Variants in MYCBP2 observed in about 807,000 individuals in gnomAD.
MYCBP2 encodes MYC binding protein 2.
A neutral mutation model predicts 525.3 loss-of-function variants in MYCBP2; 120 were observed. That is an observed-to-expected ratio of 0.23 (90% confidence interval 0.20 to 0.27). The LOEUF is 0.27. MYCBP2 is among the 10% of genes least tolerant of loss of function. The probability of loss-of-function intolerance (pLI) is 1.00; values close to 1 mark genes in which losing one functional copy is unlikely to be tolerated. For synonymous variants in MYCBP2, 1,894 were observed against 1,955.8 expected (o/e 0.97, Z 0.83); for missense variants, 4,149 against 5,657.1 (o/e 0.73, Z 8.55).
At chr13:77,237,871 T>C (rs543141385) in intron 17 of MYCBP2, among the ~76,000 whole-genome samples, 1 of 152,312 alleles carries the variant, frequency 6.6e-6, no homozygotes, top group Non-Finnish European at 1.5e-5. Context: ...GAGACTTTTA[T>C]GTGTCACTGG....
chr13:77,081,415 T>C lies in MYCBP2; in HGVS notation c.11418+12A>G. On this transcript the variant is annotated intron_variant, in intron 65 of 82. Transcript: ENST00000544440. The surrounding 1 kb of genome is among the most constrained non-coding windows in gnomAD (Gnocchi z 4.6). ...AGAGCTAAAGAGCCGTAAATCACGT[T>C]TGCTTTCTTACCCCAAGATCTCGGG... 6.2e-7 allele frequency: 1 copy of C among 1,607,786 alleles called. No individual in the cohort carries two copies. Among genetic ancestry groups the C allele is most frequent in the East Asian group, 2.2e-5 (1 of 44,832 alleles).
At position 77,270,459 on chromosome 13, in the gene MYCBP2, C is replaced by T; in HGVS notation, c.1025G>A (p.Ser342Asn). The change falls in exon 6 of 83, where the codon AGT becomes AAT. Residue 342 changes from serine to asparagine, a missense_variant. By Grantham distance (46) the Ser-to-Asn change is conservative (BLOSUM62 1). Coordinates refer to ENST00000544440, the MANE Select transcript of MYCBP2 (RefSeq NM_015057.5). Reference protein sequence around the residue: ...VGKIQIQDWFSNGIKKAALMH... With the variant: ...VGKIQIQDWFNNGIKKAALMH... ...TAAAGCTGCTTTCTTAATGCCATTA[C>T]TAAACCAGTCCTGAATTTGAATTTT... 6.2e-7 allele frequency: 1 copy of T among 1,613,748 alleles called. No homozygotes were observed. The highest frequency in any genetic ancestry group is 2.2e-5 in the East Asian group (1 of 44,786).
chr13:77,078,301 A>C (rs1023166910), intron 66 of MYCBP2, among the ~76,000 whole-genome samples: 4 of 152,220 alleles, frequency 2.6e-5, no homozygotes, highest in Non-Finnish European at 4.4e-5. Flanking sequence ...AGTGAGGAAC[A>C]GATTTGACAA....
chr13:77,169,253 G>A (rs866955355), intron 39 of MYCBP2, among the ~76,000 whole-genome samples: 33 of 152,180 alleles, frequency 2.2e-4, no homozygotes, highest in Admixed American at 6.5e-4. Context: ...AAAATTAGCC[G>A]GGCGCAGTGG....
intron 26 of MYCBP2, among the ~76,000 whole-genome samples, chr13:77,200,105 G>A (rs1302323896): frequency 6.6e-6 from 1 of 151,952 alleles, no homozygotes; most frequent in Non-Finnish European, 1.5e-5. Flanking sequence ...AGCTACGGGA[G>A]GACATTCAAA....
intron 82 of MYCBP2, among the ~76,000 whole-genome samples, chr13:77,046,625 C>T (rs2035616665): frequency 6.6e-6 from 1 of 152,084 alleles, no homozygotes; most frequent in African/African-American, 2.4e-5. Flanking sequence ...CAAACTGAGG[C>T]CTGATCTAGA....
chr13:77,257,632 G>A (rs749065179), intron 14 of MYCBP2, 39 bp downstream of exon 14: 11 of 1,493,538 alleles, frequency 7.4e-6, no homozygotes, highest in Non-Finnish European at 8.9e-6. Context: ...CTAATGAAAA[G>A]ACAACACAAA....
At position 77,087,727 on chromosome 13, in the gene MYCBP2, A is replaced by G. The variant is rs1594404620; in HGVS notation, c.10726-94T>C. 3.8e-6 allele frequency: 4 copies of G among 1,048,386 alleles called. No individual in the cohort carries two copies. In the East Asian group the frequency reaches 1.0e-4, roughly 27 times the overall value. The allele number at this position is 1,048,386 out of a possible 1,614,324, so 64.9% of individuals were successfully genotyped here. On this transcript the variant is annotated intron_variant, in intron 61 of 82. Coordinates refer to ENST00000544440, the MANE Select transcript of MYCBP2 (RefSeq NM_015057.5). The stretch of plus-strand genomic sequence containing the variant: ...GTACCTCCATGGATTAAGACTTCAA[A>G]GAAAGATACTAGAAAATCTTTTTTA...
In MYCBP2 at chr13:77,326,534, T is replaced by C; in HGVS notation, c.242A>G (p.Tyr81Cys). The C allele has an allele frequency of 6.3e-7, 1 of 1,598,938 alleles. No homozygotes were observed. Among genetic ancestry groups the C allele is most frequent in the Non-Finnish European group, 8.5e-7 (1 of 1,173,120 alleles). Residue 81 changes from tyrosine to cysteine, a missense_variant, in exon 1 of 83, where the codon TAT (tyrosine) becomes TGT (cysteine). Around this residue, in one of 21 missense-constraint regions of MYCBP2, gnomAD observed 413 missense variants for 451.2 expected, o/e 0.92. Transcript: ENST00000544440. This position sits in a 1 kb window ranked among gnomAD's most constrained non-coding sequence, Gnocchi z 4.2. Reference protein sequence around the residue: ...RALADRYRRIYTAALNDRDQG... With the variant: ...RALADRYRRICTAALNDRDQG... ...GTCCCTGTCATTGAGCGCAGCGGTA[T>C]AAATCCTCCGGTAGCGGTCGGCCAG...
chr13:77,054,825 T>G (rs139774533), intron 80 of MYCBP2, among the ~76,000 whole-genome samples: 4 of 152,170 alleles, frequency 2.6e-5, no homozygotes, highest in Non-Finnish European at 4.4e-5. Context: ...GGTCTCAAAC[T>G]CCAGAGCTCA....
chr13:77,106,616 C>T (rs1459629202), intron 55 of MYCBP2, among the ~76,000 whole-genome samples: 2 of 152,084 alleles, frequency 1.3e-5, no homozygotes, highest in African/African-American at 2.4e-5. Flanking sequence ...TGTAATTGTG[C>T]TTCTCATGTT....
chr13:77,143,175 G>A (rs1343023713), intron 49 of MYCBP2, among the ~76,000 whole-genome samples: 1 of 152,168 alleles, frequency 6.6e-6, no homozygotes, highest in Non-Finnish European at 1.5e-5. Context: ...TTACTTCTAG[G>A]TGTCCACTTG....
intron 34 of MYCBP2, among the ~76,000 whole-genome samples, chr13:77,179,698 G>C (rs1486167653): frequency 6.6e-6 from 1 of 152,182 alleles, no homozygotes; most frequent in Non-Finnish European, 1.5e-5. Flanking sequence ...CCAATTTTAA[G>C]TATGTATTTC....
rs851513 is a variant in MYCBP2 at position 77,049,979 on chromosome 13, C to G, written c.13921+1018G>C. On this transcript the variant is annotated intron_variant, in intron 82 of 82. Coordinates refer to ENST00000544440, the MANE Select transcript of MYCBP2 (RefSeq NM_015057.5). ...TGATGCTATCTCCTGAAGATCTTTCCAAATCAGCACACAGAAACACCATCC... is the reference window on the plus strand; with the variant it reads ...TGATGCTATCTCCTGAAGATCTTTCGAAATCAGCACACAGAAACACCATCC... Among the ~76,000 whole-genome samples, 782 of 152,136 alleles carry G rather than the reference C, an allele frequency of 5.1e-3. 6 individuals carry two copies. The highest frequency in any genetic ancestry group is 0.018 in the African/African-American group (730 of 41,528).
At chr13:77,205,642 T>C (rs745392467) in intron 24 of MYCBP2, 44 bp from the exon 25 acceptor site, 29 of 1,572,748 alleles carry the variant, frequency 1.8e-5, no homozygotes, top group South Asian at 1.5e-4. Context: ...GAAATTAAAA[T>C]GTCCTATGGT....
rs1246804022 is a variant in MYCBP2 at position 77,117,507 on chromosome 13, TTAAAG to T, written c.8140+3861_8140+3865del. 2.0e-5 allele frequency among the ~76,000 whole-genome samples: 3 copies of T among 152,264 alleles called. No individual in the cohort carries two copies. The East Asian group carries it at 5.8e-4, about 29-fold the overall frequency. On this transcript the variant is annotated intron_variant, in intron 55 of 82. Transcript: ENST00000544440. ...TTTTACATGACCCTAATAACAGTTATTAAAGTATTTTTGTAAACAAATAACTTAGA... is the reference window on the plus strand; with the variant it reads ...TTTTACATGACCCTAATAACAGTTATTATTTTTGTAAACAAATAACTTAGA...
At chr13:77,050,092 G>A (rs1232838118) in intron 82 of MYCBP2, among the ~76,000 whole-genome samples, 1 of 151,284 alleles carries the variant, frequency 6.6e-6, no homozygotes, top group East Asian at 1.9e-4. Flanking sequence ...TATTATCATA[G>A]CAAAGCTGTA....
At chr13:77,252,249 C>G (rs2071336966) in intron 14 of MYCBP2, among the ~76,000 whole-genome samples, 1 of 152,112 alleles carries the variant, frequency 6.6e-6, no homozygotes, top group Admixed American at 6.5e-5. Flanking sequence ...GCTCTGTGGC[C>G]CATACAAATC....
chr13:77,295,241 C>T (rs1273186942), intron 2 of MYCBP2, among the ~76,000 whole-genome samples: 1 of 152,190 alleles, frequency 6.6e-6, no homozygotes, highest in East Asian at 1.9e-4. Flanking sequence ...TTCAAGCAAT[C>T]TCCTGCCTCA....
Sources: allele counts gnomAD v4.1 joint callset (sites outside exome capture counted in the v4.1 genomes callset), GRCh38; gene constraint gnomAD v4.1.1; regional missense constraint gnomAD v4.1.1; non-coding constraint Gnocchi (gnomAD v3.1); transcripts MANE v1.5; gene names NCBI Gene and HGNC (gene_info 2026-07-23, HGNC 2026-07-21).